WDFY3: variants seen among roughly 807,000 people sequenced by gnomAD.
The protein encoded by WDFY3 is WD repeat and FYVE domain containing 3.
A neutral mutation model predicts 409.6 loss-of-function variants in WDFY3; 66 were observed. That is an observed-to-expected ratio of 0.16 (90% confidence interval 0.13 to 0.20). The LOEUF is 0.20. Among genes scored for constraint, WDFY3 ranks in the 10% least tolerant of loss-of-function variants. WDFY3 has a pLI of 1.00. For missense variants in WDFY3, 3,031 were observed against 4,298.1 expected (o/e 0.71, Z 8.24); for synonymous variants, 1,521 against 1,537.1 (o/e 0.99, Z 0.25).
intron 62 of WDFY3, among the ~76,000 whole-genome samples, chr4:84,686,576 C>T (rs1435899386): frequency 6.6e-6 from 1 of 152,114 alleles, no homozygotes; most frequent in African/African-American, 2.4e-5. Context: ...GGAAAGCTGT[C>T]TGTGTAGGTG....
At position 84,717,014 on chromosome 4, in the gene WDFY3, A is replaced by G; in HGVS notation, c.7757T>C (p.Met2586Thr). The G allele has an allele frequency of 1.3e-6, 2 of 1,588,832 alleles. No homozygotes were observed. The highest frequency in any genetic ancestry group is 2.3e-5 in the East Asian group (1 of 43,672). Reference protein sequence around the residue: ...IRDIETLPPNMHEPIIPRGAR... With the variant: ...IRDIETLPPNTHEPIIPRGAR... ...TCCTCTAGGAATAATAGGCTCATGC[A>G]TACTACAGGCAGCCAAGAGAAAAAG... is the stretch of plus-strand genomic sequence containing the variant. Residue 2586 changes from methionine to threonine, a missense_variant and splice_region_variant, in exon 49 of 68, where the codon ATG becomes ACG. This residue lies in a region of WDFY3 where 40 missense variants were observed against 54.2 expected (regional missense o/e 0.74). Transcript: ENST00000295888.
chr4:84,837,144 C>A, intron 6 of WDFY3, 54 bp from the exon 7 acceptor site: 2 of 1,347,022 alleles, frequency 1.5e-6, no homozygotes, highest in South Asian at 4.7e-5. Context: ...ATAATTGGTA[C>A]AGCCAAATAA....
In WDFY3 at chr4:84,682,561, A is replaced by C. The variant is rs2148785294; in HGVS notation, c.9727-91T>G. 4 of 1,004,032 alleles carry C rather than the reference A, an allele frequency of 4.0e-6. No homozygotes were observed. In the East Asian group the frequency reaches 1.0e-4, roughly 26 times the overall value. The allele number at this position is 1,004,032 out of a possible 1,614,324, so 62.2% of individuals were successfully genotyped here. ...TCAATGAAGAGAGACTGTCAGGGTT[A>C]ACAGATAACTTAATTTCCATCATGT... On this transcript the variant is annotated intron_variant, in intron 63 of 67. Transcript: ENST00000295888.
intron 2 of WDFY3, among the ~76,000 whole-genome samples, chr4:84,898,248 T>C (rs529010474): frequency 6.6e-6 from 1 of 152,338 alleles, no homozygotes. Context: ...CATTGGACAA[T>C]GCTGGCTTGG....
intron 3 of WDFY3, among the ~76,000 whole-genome samples, chr4:84,870,074 A>C (rs1761943846): frequency 6.6e-6 from 1 of 152,204 alleles, no homozygotes; most frequent in Admixed American, 6.5e-5. Context: ...ATGTTATTAT[A>C]ATCATTTGCG....
In WDFY3 at chr4:84,718,450, T is replaced by C; in HGVS notation, c.7726A>G (p.Ile2576Val). The C allele has an allele frequency of 1.2e-6, 2 of 1,613,946 alleles. No homozygotes were observed. Among genetic ancestry groups the C allele is most frequent in the Non-Finnish European group, 1.7e-6 (2 of 1,179,892 alleles). Reference protein sequence around the residue: ...DGFTMTATREIRDIETLPPNM... With the variant: ...DGFTMTATREVRDIETLPPNM... ...GGAGGTAAGGTTTCAATATCTCTTATTTCCCTGGTTGCTGTCATGGTAAAT... is the reference window on the plus strand; with the variant it reads ...GGAGGTAAGGTTTCAATATCTCTTACTTCCCTGGTTGCTGTCATGGTAAAT... The change falls in exon 48 of 68, where the codon ATA (isoleucine) becomes GTA (valine). Residue 2576 changes from isoleucine (I) to valine (V), a missense_variant. Ile to Val is a conservative substitution (Grantham distance 29). This residue lies in a region of WDFY3 where 40 missense variants were observed against 54.2 expected (regional missense o/e 0.74). Transcript: ENST00000295888.
At chr4:84,681,683 TGTTCCTTTCCAGGAA>T (rs535472000) in intron 64 of WDFY3, among the ~76,000 whole-genome samples, 48 of 152,266 alleles carry the variant, frequency 3.2e-4, no homozygotes, top group Non-Finnish European at 4.6e-4. Flanking sequence ...CTTCAAACCT[TGTTCCTTTCCAGGAA>T]GTTCCTTTCC....
At chr4:84,742,772 C>A (rs1020847037) in intron 37 of WDFY3, among the ~76,000 whole-genome samples, 2 of 152,166 alleles carry the variant, frequency 1.3e-5, no homozygotes, top group African/African-American at 2.4e-5. Flanking sequence ...AAACCGTAAT[C>A]CCCCCTTAGT....
At chr4:84,756,321 G>A (rs1046366452) in intron 33 of WDFY3, among the ~76,000 whole-genome samples, 3 of 151,302 alleles carry the variant, frequency 2.0e-5, no homozygotes, top group African/African-American at 4.8e-5. Context: ...ACAGTGGCTC[G>A]CGCCTGTAAT....
chr4:84,820,281 T>C, intron 11 of WDFY3, 95 bp from the exon 12 acceptor site: 2 of 1,056,848 alleles, frequency 1.9e-6, no homozygotes, highest in Non-Finnish European at 2.7e-6. Flanking sequence ...TTCTTCAGTA[T>C]TCAGTTTTAC....
In WDFY3 at chr4:84,733,386, A is replaced by G. The variant is rs774769324; in HGVS notation, c.7217T>C (p.Val2406Ala). The G allele has an allele frequency of 6.2e-7, 1 of 1,613,994 alleles. No homozygotes were observed. Among genetic ancestry groups the G allele is most frequent in the East Asian group, 2.2e-5 (1 of 44,878 alleles). Residue 2406 changes from valine (V) to alanine (A), a missense_variant, in exon 44 of 68, where the codon GTG (valine) becomes GCG (alanine). Coordinates refer to ENST00000295888, the MANE Select transcript of WDFY3 (RefSeq NM_014991.6). ...CATTGAATTCTGCATACTCACCGCC[A>G]CATTTGTCTCTTGCTCAGTTTCTGG... ...YVPETEQETN[V>A]ASEIPSKQPE... is the part of the protein sequence containing the mutation.
intron 1 of WDFY3, among the ~76,000 whole-genome samples, chr4:84,941,459 A>G (rs1444445818): frequency 1.3e-5 from 2 of 152,050 alleles, no homozygotes; most frequent in African/African-American, 2.4e-5. Context: ...CTGTCTACTG[A>G]AAACTATAAA....
chr4:84,819,218 C>G (rs1231748310), intron 12 of WDFY3, among the ~76,000 whole-genome samples: 5 of 151,970 alleles, frequency 3.3e-5, no homozygotes, highest in Non-Finnish European at 7.4e-5. Context: ...ATGATCTTAC[C>G]TTAGCATCTA....
chr4:84,830,785 A>C (rs1755591521), intron 8 of WDFY3, among the ~76,000 whole-genome samples: 1 of 152,306 alleles, frequency 6.6e-6, no homozygotes, highest in African/African-American at 2.4e-5. Flanking sequence ...TATCAAAAAA[A>C]CTTCTTTTTT....
intron 67 of WDFY3, among the ~76,000 whole-genome samples, chr4:84,675,420 T>C (rs1023560863): frequency 1.3e-5 from 2 of 152,216 alleles, no homozygotes; most frequent in African/African-American, 4.8e-5. Flanking sequence ...AATCAAATGA[T>C]GGAACACCTG....
At chr4:84,777,906 G>T (rs893647953) in intron 27 of WDFY3, among the ~76,000 whole-genome samples, 1 of 152,054 alleles carries the variant, frequency 6.6e-6, no homozygotes, top group African/African-American at 2.4e-5. Flanking sequence ...AAGTGATCAC[G>T]AGTTGCCTTG....
intron 22 of WDFY3, among the ~76,000 whole-genome samples, chr4:84,788,741 G>T (rs1008777566): frequency 6.6e-6 from 1 of 152,070 alleles, no homozygotes; most frequent in Non-Finnish European, 1.5e-5. Context: ...TCAAGTGATC[G>T]CCCTAAAATG....
chr4:84,745,548 T>C (rs1478204583), intron 36 of WDFY3, among the ~76,000 whole-genome samples: 4 of 152,176 alleles, frequency 2.6e-5, no homozygotes, highest in Non-Finnish European at 5.9e-5. Flanking sequence ...TAGCTTAAGT[T>C]CTCAAAAGCC....
At chr4:84,715,925 T>C (rs1204114545) in intron 49 of WDFY3, among the ~76,000 whole-genome samples, 1 of 151,380 alleles carries the variant, frequency 6.6e-6, no homozygotes, top group African/African-American at 2.4e-5. Context: ...AAAAAGTAAT[T>C]ATAATTTTAT....
Sources: allele counts gnomAD v4.1 joint callset (sites outside exome capture counted in the v4.1 genomes callset), GRCh38; gene constraint gnomAD v4.1.1; regional missense constraint gnomAD v4.1.1; transcripts MANE v1.5; gene names NCBI Gene and HGNC (gene_info 2026-07-23, HGNC 2026-07-21).